PIP4K2A: variants seen among roughly 807,000 people sequenced by gnomAD.
The protein encoded by PIP4K2A is phosphatidylinositol-5-phosphate 4-kinase type 2 alpha.
A neutral mutation model predicts 42.9 loss-of-function variants in PIP4K2A; 14 were observed. The ratio of observed to expected loss-of-function variants is 0.33; its 90% CI spans 0.22 to 0.51. The LOEUF (loss-of-function observed/expected upper bound fraction) is 0.51. Among genes scored for constraint, PIP4K2A ranks in the 20% least tolerant of loss-of-function variants. The pLI, the probability that PIP4K2A is intolerant of heterozygous loss-of-function variation, is 0.97. For synonymous variants in PIP4K2A, 192 were observed against 192.2 expected, an observed-to-expected ratio of 1.00 and a Z score of 0.01; for missense variants, 434 against 519.8, an observed-to-expected ratio of 0.83 and a Z score of 1.61.
intron 5 of PIP4K2A, among the ~76,000 whole-genome samples, chr10:22,568,518 T>C (rs372710710): frequency 1.6e-4 from 25 of 152,358 alleles, no homozygotes; most frequent in African/African-American, 5.3e-4. Context: ...CAGTTATTTG[T>C]ACCTCTTTTG....
chr10:22,647,655 A>G (rs1564454597), intron 1 of PIP4K2A, among the ~76,000 whole-genome samples: 1 of 152,230 alleles, frequency 6.6e-6, no homozygotes, highest in Non-Finnish European at 1.5e-5. Context: ...CCTCCCAATC[A>G]GCTATCACAT....
chr10:22,626,619 C>T (rs1479535951), intron 1 of PIP4K2A, among the ~76,000 whole-genome samples: 1 of 151,912 alleles, frequency 6.6e-6, no homozygotes, highest in East Asian at 1.9e-4. Flanking sequence ...TTTTAGCACA[C>T]CTATATTCCA....
chr10:22,574,841 C>T (rs1029572142), intron 4 of PIP4K2A, among the ~76,000 whole-genome samples: 1 of 152,136 alleles, frequency 6.6e-6, no homozygotes, highest in African/African-American at 2.4e-5. Context: ...TAAATAGCCA[C>T]TGGGTGAAAA....
At chr10:22,686,043 CGT>C (rs1300388009) in intron 1 of PIP4K2A, among the ~76,000 whole-genome samples, 51 of 152,184 alleles carry the variant, frequency 3.4e-4, no homozygotes, top group African/African-American at 1.2e-3. Flanking sequence ...TAATACTGGG[CGT>C]GTCAAGATTG....
rs1272926100 is a variant in PIP4K2A at position 22,539,891 on chromosome 10, G to GAC, written c.1140+79_1140+80insGT. Reference sequence around the variant, plus strand: ...CAGGTCACACAGAGGAGCCAGGAGAGAGAGAGAGAGAGAGAGAGAGGGAGA... The same window carrying GAC: ...CAGGTCACACAGAGGAGCCAGGAGAGACAGAGAGAGAGAGAGAGAGAGGGAGA... On this transcript the variant is annotated intron_variant, in intron 9 of 9. Transcript: ENST00000376573. 1.7e-5 allele frequency: 11 copies of GAC among 639,834 alleles called. No homozygotes were observed. In the African/African-American group the frequency reaches 2.3e-4, roughly 14 times the overall value. 39.6% of individuals were successfully genotyped at this position (639,834 alleles called of 1,614,324 possible).
chr10:22,622,305 C>T (rs532139147), intron 1 of PIP4K2A, among the ~76,000 whole-genome samples: 8 of 152,316 alleles, frequency 5.3e-5, no homozygotes, highest in South Asian at 2.1e-4. Context: ...GGCAGAAAGA[C>T]GGTGCGCTGC....
In PIP4K2A at chr10:22,535,950, C is replaced by CT; in HGVS notation, c.*1250_*1251insA. On this transcript the variant is annotated 3_prime_UTR_variant, in exon 10 of 10. Transcript: ENST00000376573. The stretch of plus-strand genomic sequence containing the variant: ...TGTCTACCATGTACTTTGACTAAAA[C>CT]ACTCACGTAAAAACATGGCTGCAGG... 2.5e-6 allele frequency: 1 copy of CT among 393,846 alleles called. No homozygotes were observed. The highest frequency in any genetic ancestry group is 1.4e-4 in the South Asian group (1 of 6,976). 24.4% of individuals were successfully genotyped at this position (393,846 alleles called of 1,614,324 possible). A position where few individuals can be genotyped will look rare whatever the true frequency, so the allele number is the denominator to read the frequency against.
At chr10:22,664,063 ATATATATATATACG>A (rs1839265850) in intron 1 of PIP4K2A, among the ~76,000 whole-genome samples, 1 of 79,202 alleles carries the variant, frequency 1.3e-5, no homozygotes, top group Non-Finnish European at 2.2e-5. Flanking sequence ...GTATATATAC[ATATATATATATACG>A]TATATATATA....
intron 1 of PIP4K2A, among the ~76,000 whole-genome samples, chr10:22,693,314 A>G (rs1000133856): frequency 6.6e-6 from 1 of 151,456 alleles, no homozygotes. Context: ...ATTTTGCTTT[A>G]TTTTACCTAT....
intron 4 of PIP4K2A, among the ~76,000 whole-genome samples, chr10:22,574,177 G>C (rs1837056416): frequency 1.4e-5 from 1 of 70,572 alleles, no homozygotes; most frequent in Non-Finnish European, 2.7e-5. Flanking sequence ...ACTTCTCCCT[G>C]AGAGCAGATT....
intron 1 of PIP4K2A, among the ~76,000 whole-genome samples, chr10:22,687,918 C>G (rs898394138): frequency 6.6e-6 from 1 of 152,096 alleles, no homozygotes; most frequent in Non-Finnish European, 1.5e-5. Flanking sequence ...TGTGCGAGAT[C>G]ATTGATAGAT....
rs900705020 is a variant in PIP4K2A, at chr10:22,539,846, A to T, written c.1140+125T>A. 4.1e-6 allele frequency: 3 copies of T among 723,810 alleles called. No homozygotes were observed. In the African/African-American group the frequency reaches 5.3e-5, roughly 13 times the overall value. 44.8% of individuals were successfully genotyped at this position (723,810 alleles called of 1,614,324 possible). On this transcript the variant is annotated intron_variant, in intron 9 of 9. Coordinates refer to ENST00000376573, the MANE Select transcript of PIP4K2A (RefSeq NM_005028.5). ...CAGTAGAAAGCAGCTCAGTGGCAGA[A>T]AGGAGTGATCCCTGAGTTACAGGTC... is the stretch of plus-strand genomic sequence containing the variant.
intron 1 of PIP4K2A, among the ~76,000 whole-genome samples, chr10:22,664,100 T>TATAC (rs1167946148): frequency 1.2e-5 from 1 of 81,118 alleles, no homozygotes; most frequent in Non-Finnish European, 2.1e-5. Context: ...CATATATATA[T>TATAC]ATACATATAT....
intron 1 of PIP4K2A, among the ~76,000 whole-genome samples, chr10:22,664,034 T>TATATATATATATACATATGTATATATAC (rs1839260212): frequency 1.9e-5 from 2 of 104,570 alleles, no homozygotes; most frequent in Non-Finnish European, 3.5e-5. Flanking sequence ...TATATATACA[T>TATATATATATATACATATGTATATATAC]ATATATATAT....
At chr10:22,583,986 T>C (rs1158844626) in intron 4 of PIP4K2A, among the ~76,000 whole-genome samples, 1 of 152,258 alleles carries the variant, frequency 6.6e-6, no homozygotes, top group Non-Finnish European at 1.5e-5. Context: ...CATGGCAGTC[T>C]GACTTCTCCC....
At chr10:22,540,350 C>T (rs1000819455) in intron 8 of PIP4K2A, among the ~76,000 whole-genome samples, 9 of 151,424 alleles carry the variant, frequency 5.9e-5, no homozygotes, top group East Asian at 1.9e-4. Context: ...GGAGATCCAA[C>T]GGTGGAACGG....
intron 5 of PIP4K2A, 79 bp downstream of exon 5, chr10:22,573,232 C>T (rs1192113044): frequency 6.0e-6 from 8 of 1,335,754 alleles, no homozygotes; most frequent in Non-Finnish European, 6.3e-6. Flanking sequence ...CTAAGCATTT[C>T]TGATGATCAA....
At chr10:22,634,066 T>C (rs1838610413) in intron 1 of PIP4K2A, among the ~76,000 whole-genome samples, 1 of 152,164 alleles carries the variant, frequency 6.6e-6, no homozygotes, top group Non-Finnish European at 1.5e-5. Context: ...CAAAATATGA[T>C]TATGGGACTT....
intron 4 of PIP4K2A, among the ~76,000 whole-genome samples, chr10:22,576,845 G>A (rs941642008): frequency 6.6e-6 from 1 of 152,122 alleles, no homozygotes. Flanking sequence ...GGAGGCCAAG[G>A]TGGGCGGATA....
Sources: gnomAD v4.1 joint callset for allele counts (sites outside exome capture counted in the v4.1 genomes callset) on GRCh38, gnomAD v4.1.1 for gene constraint, MANE v1.5 for transcripts, NCBI Gene and HGNC (gene_info 2026-07-23, HGNC 2026-07-21) for gene names.